The following FARP1 variants were observed in gnomAD, a reference collection of about 807,000 sequenced individuals.
The protein encoded by FARP1 is FERM, ARH/RhoGEF and pleckstrin domain protein 1.
In FARP1, 52 loss-of-function variants were observed where a neutral mutation model predicts 128.8. The observed-to-expected ratio is 0.40, with a 90% CI of 0.32 to 0.51. The LOEUF (loss-of-function observed/expected upper bound fraction) is 0.51. Ranked by LOEUF, FARP1 falls within the 20% of genes least tolerant of loss-of-function variation. The pLI, the probability that FARP1 is intolerant of heterozygous loss-of-function variation, is 0.45. For missense variants in FARP1, 1,333 were observed against 1,367.9 expected (o/e 0.97, Z 0.40); for synonymous variants, 580 against 551.8 (o/e 1.05, Z -0.72).
intron 2 of FARP1, among the ~76,000 whole-genome samples, chr13:98,307,589 C>A (rs1318236279): frequency 2.0e-5 from 3 of 152,156 alleles, no homozygotes; most frequent in African/African-American, 7.2e-5. Context: ...GCGTTCATGT[C>A]GGTGCCTCTT....
intron 1 of FARP1, among the ~76,000 whole-genome samples, chr13:98,187,358 A>G (rs1470131103): frequency 2.6e-5 from 4 of 152,212 alleles, no homozygotes; most frequent in African/African-American, 7.2e-5. Context: ...CTGTCACATA[A>G]GGCACCGTAT....
At chr13:98,251,961 C>A (rs371501070) in intron 2 of FARP1, among the ~76,000 whole-genome samples, 2 of 152,264 alleles carry the variant, frequency 1.3e-5, no homozygotes, top group Non-Finnish European at 2.9e-5. Flanking sequence ...GATTCTCCTG[C>A]GTCAGCCTCC....
chr13:98,174,661 TTTTA>T (rs1440141054), intron 1 of FARP1, among the ~76,000 whole-genome samples: 1 of 152,166 alleles, frequency 6.6e-6, no homozygotes, highest in Non-Finnish European at 1.5e-5. Context: ...AATGGCTCAC[TTTTA>T]TGGGGCACTT....
chr13:98,393,766 C>G lies in FARP1; in HGVS notation c.1164+48C>G, dbSNP rs200422695. On this transcript the variant is annotated intron_variant, in intron 12 of 26. Transcript: ENST00000319562. Reference sequence around the variant, plus strand: ...GATAACTCTGCTTTTCCCCACACTTCCTCCACGGAGCCCTGGGCTTCAGAG... The same window carrying G: ...GATAACTCTGCTTTTCCCCACACTTGCTCCACGGAGCCCTGGGCTTCAGAG... 95 of 1,407,652 alleles carry G rather than the reference C, an allele frequency of 6.7e-5. No individual in the cohort carries two copies. In the African/African-American group the frequency reaches 1.3e-3, roughly 19 times the overall value. 87.2% of individuals were successfully genotyped at this position (1,407,652 alleles called of 1,614,324 possible). A position where few individuals can be genotyped will look rare whatever the true frequency, so the allele number is the denominator to read the frequency against.
At chr13:98,310,097 T>C (rs1886393365) in intron 2 of FARP1, among the ~76,000 whole-genome samples, 1 of 135,964 alleles carries the variant, frequency 7.4e-6, no homozygotes, top group Admixed American at 7.5e-5. Context: ...TTTTTTCCCA[T>C]AATAGGCTTA....
intron 24 of FARP1, among the ~76,000 whole-genome samples, chr13:98,444,024 A>G (rs552087723): frequency 1.3e-5 from 2 of 152,204 alleles, no homozygotes; most frequent in South Asian, 2.1e-4. Flanking sequence ...TCCAAAATCA[A>G]GCTGCTGGCA....
intron 4 of FARP1, among the ~76,000 whole-genome samples, chr13:98,365,858 AAG>A (rs1046042477): frequency 1.3e-5 from 2 of 150,776 alleles, no homozygotes; most frequent in African/African-American, 2.4e-5. Context: ...GTTTGGGAAA[AAG>A]AGTGGCCGAA....
intron 17 of FARP1, among the ~76,000 whole-genome samples, chr13:98,428,604 C>A (rs1594524802): frequency 6.6e-6 from 1 of 152,220 alleles, no homozygotes; most frequent in African/African-American, 2.4e-5. Flanking sequence ...AACTCTAAAC[C>A]TAGTGAAGAA....
intron 19 of FARP1, chr13:98,437,919 C>T (rs1452221319): frequency 1.7e-6 from 2 of 1,165,598 alleles, no homozygotes; most frequent in East Asian, 4.7e-5. Context: ...TCTTGGCACT[C>T]ATCAGGCCGC....
chr13:98,362,404 A>G (rs1487840933), intron 3 of FARP1, among the ~76,000 whole-genome samples: 1 of 152,200 alleles, frequency 6.6e-6, no homozygotes, highest in African/African-American at 2.4e-5. Context: ...ACCCTGGGTC[A>G]AGTGACCTGC....
intron 2 of FARP1, among the ~76,000 whole-genome samples, chr13:98,284,310 C>G (rs994084741): frequency 6.6e-6 from 1 of 152,012 alleles, no homozygotes; most frequent in Non-Finnish European, 1.5e-5. Context: ...CTTGGATAAC[C>G]AATGCCACCA....
At chr13:98,214,670 T>C (rs1880952439) in intron 2 of FARP1, among the ~76,000 whole-genome samples, 2 of 152,214 alleles carry the variant, frequency 1.3e-5, no homozygotes, top group African/African-American at 4.8e-5. Context: ...TCAGAACAGC[T>C]ATGCTTAAAA....
chr13:98,352,192 G>C (rs558340644), intron 3 of FARP1, among the ~76,000 whole-genome samples: 5 of 152,258 alleles, frequency 3.3e-5, no homozygotes, highest in African/African-American at 4.8e-5. Context: ...GCTGGAGACA[G>C]AACATCAGCC....
At chr13:98,288,096 G>A (rs961606179) in intron 2 of FARP1, among the ~76,000 whole-genome samples, 28 of 152,106 alleles carry the variant, frequency 1.8e-4, no homozygotes, top group African/African-American at 6.0e-4. Flanking sequence ...CTCCGTACCC[G>A]GCCCCACACA....
intron 19 of FARP1, chr13:98,437,726 T>C: frequency 2.0e-6 from 2 of 987,006 alleles, no homozygotes; most frequent in Non-Finnish European, 1.6e-6. Flanking sequence ...CCTGTATAGC[T>C]TCTCCGCTTT....
chr13:98,309,283 C>T (rs1594384526), intron 2 of FARP1, among the ~76,000 whole-genome samples: 2 of 148,984 alleles, frequency 1.3e-5, no homozygotes. Flanking sequence ...TCTCCTGCCT[C>T]AGCCTCCCGA....
intron 2 of FARP1, among the ~76,000 whole-genome samples, chr13:98,326,532 CT>C (rs772408213): frequency 6.6e-6 from 1 of 152,286 alleles, no homozygotes; most frequent in East Asian, 1.9e-4. Context: ...TGCCTGATTT[CT>C]TTTCCACACG....
At chr13:98,401,115 A>T (rs534024816) in intron 13 of FARP1, 1 of 152,336 alleles carries the variant, frequency 6.6e-6, no homozygotes, top group African/African-American at 2.4e-5. Context: ...GCTCTCTGTT[A>T]GCCAAGCCCG....
intron 13 of FARP1, chr13:98,397,903 A>AG (rs1890612577): frequency 1.0e-4 from 1 of 9,774 alleles, no homozygotes; most frequent in Non-Finnish European, 3.6e-4. Flanking sequence ...TTTTTTTGAA[A>AG]AAAAAAAAAA....
Sources: allele counts gnomAD v4.1 joint callset (sites outside exome capture counted in the v4.1 genomes callset), GRCh38; gene constraint gnomAD v4.1.1; transcripts MANE v1.5; gene names NCBI Gene and HGNC (gene_info 2026-07-23, HGNC 2026-07-21).